The following TMEM132C variants were observed in gnomAD, a reference collection of about 807,000 sequenced individuals.
TMEM132C encodes protein phosphatase 1, regulatory subunit 152.
In TMEM132C, 29 loss-of-function variants were observed where a neutral mutation model predicts 61.4. That is an observed-to-expected ratio of 0.47 (90% confidence interval 0.35 to 0.64). The LOEUF is 0.64. Ranked by LOEUF, TMEM132C falls within the 30% of genes least tolerant of loss-of-function variation. TMEM132C has a pLI of 0.00. For missense variants in TMEM132C, 1,408 were observed against 1,476.9 expected (o/e 0.95, Z 0.76); for synonymous variants, 656 against 633.1 (o/e 1.04, Z -0.54).
intron 2 of TMEM132C, among the ~76,000 whole-genome samples, chr12:128,483,615 C>G (rs1871388645): frequency 6.6e-6 from 1 of 151,998 alleles, no homozygotes; most frequent in Non-Finnish European, 1.5e-5. Context: ...AGAGCCTGGC[C>G]AATAGCAAAC....
At chr12:128,619,970 C>A (rs978597104) in intron 4 of TMEM132C, among the ~76,000 whole-genome samples, 1 of 152,070 alleles carries the variant, frequency 6.6e-6, no homozygotes, top group East Asian at 1.9e-4. Flanking sequence ...ATGGCTCACA[C>A]CTATAATCCC....
chr12:128,288,169 C>G (rs1442020368), intron 1 of TMEM132C: 1 of 152,002 alleles, frequency 6.6e-6, no homozygotes, highest in Non-Finnish European at 1.5e-5. Flanking sequence ...AATGATTCTC[C>G]TGCCCCAGCC....
chr12:128,476,988 A>AT (rs1871173359), intron 2 of TMEM132C, among the ~76,000 whole-genome samples: 1 of 152,108 alleles, frequency 6.6e-6, no homozygotes, highest in Non-Finnish European at 1.5e-5. Context: ...TATCACAATT[A>AT]TTTTTTCCAG....
At chr12:128,365,312 G>A (rs1873828754) in intron 1 of TMEM132C, among the ~76,000 whole-genome samples, 1 of 152,208 alleles carries the variant, frequency 6.6e-6, no homozygotes, top group Admixed American at 6.5e-5. Flanking sequence ...GAATGCTCAA[G>A]TGCTTGAACG....
intron 3 of TMEM132C, among the ~76,000 whole-genome samples, chr12:128,589,640 C>T (rs762590303): frequency 7.4e-4 from 112 of 152,136 alleles, no homozygotes; most frequent in Non-Finnish European, 1.3e-3. Context: ...GCAGAAATAC[C>T]AGAATGATCT....
At chr12:128,668,137 G>T in intron 4 of TMEM132C, among the ~76,000 whole-genome samples, 1 of 152,090 alleles carries the variant, frequency 6.6e-6, no homozygotes, top group East Asian at 1.9e-4. Context: ...AAAATGATCT[G>T]GGCATGGTGA....
At chr12:128,541,757 A>G (rs888764004) in intron 2 of TMEM132C, among the ~76,000 whole-genome samples, 1 of 152,228 alleles carries the variant, frequency 6.6e-6, no homozygotes, top group Non-Finnish European at 1.5e-5. Flanking sequence ...ACTGCAGGGC[A>G]TCTGGCTGGC....
chr12:128,666,203 C>A (rs60233581), intron 4 of TMEM132C, among the ~76,000 whole-genome samples: 1,555 of 123,648 alleles, frequency 0.013, 23 homozygotes, highest in African/African-American at 0.046. Context: ...GCACATGTAC[C>A]CATAAACAGG....
chr12:128,529,891 A>G (rs1003491439), intron 2 of TMEM132C, among the ~76,000 whole-genome samples: 14 of 152,182 alleles, frequency 9.2e-5, no homozygotes, highest in African/African-American at 2.7e-4. Flanking sequence ...AGTATCTTTG[A>G]GATGATTAGG....
intron 2 of TMEM132C, among the ~76,000 whole-genome samples, chr12:128,467,119 C>T (rs1004404061): frequency 3.9e-5 from 6 of 152,238 alleles, no homozygotes; most frequent in Middle Eastern, 6.8e-3. Context: ...GAACTCATGG[C>T]GTTCATAGTG....
chr12:128,523,939 G>T (rs1872997499), intron 2 of TMEM132C, among the ~76,000 whole-genome samples: 1 of 151,622 alleles, frequency 6.6e-6, no homozygotes, highest in African/African-American at 2.4e-5. Flanking sequence ...CTTCAGCCCT[G>T]CAGGTCAAGG....
chr12:128,308,508 C>G (rs957511214), intron 1 of TMEM132C, among the ~76,000 whole-genome samples: 1 of 152,120 alleles, frequency 6.6e-6, no homozygotes, highest in Non-Finnish European at 1.5e-5. Flanking sequence ...GAACTGTGTC[C>G]GGCACGTTGC....
intron 3 of TMEM132C, among the ~76,000 whole-genome samples, chr12:128,547,524 A>G (rs1170404160): frequency 6.7e-6 from 1 of 148,604 alleles, no homozygotes; most frequent in Non-Finnish European, 1.5e-5. Flanking sequence ...AGATCGCACC[A>G]CCATACTCCA....
chr12:128,452,805 A>C (rs770472046), intron 2 of TMEM132C, among the ~76,000 whole-genome samples: 6 of 152,214 alleles, frequency 3.9e-5, no homozygotes, highest in Admixed American at 6.5e-5. Context: ...ATTAATTATA[A>C]GTATACCATT....
chr12:128,477,456 C>T (rs1871186693), intron 2 of TMEM132C, among the ~76,000 whole-genome samples: 1 of 152,192 alleles, frequency 6.6e-6, no homozygotes, highest in African/African-American at 2.4e-5. Context: ...GGAAATTGGA[C>T]ACCACCTCCA....
At chr12:128,276,774 C>T (rs1046532875) in intron 1 of TMEM132C, among the ~76,000 whole-genome samples, 12 of 152,098 alleles carry the variant, frequency 7.9e-5, no homozygotes, top group Non-Finnish European at 1.2e-4. Context: ...CTTTGGCACG[C>T]GGTATTCTAC....
At chr12:128,353,102 G>T (rs1873392624) in intron 1 of TMEM132C, among the ~76,000 whole-genome samples, 1 of 152,162 alleles carries the variant, frequency 6.6e-6, no homozygotes, top group Non-Finnish European at 1.5e-5. Flanking sequence ...ACAAAGTAGA[G>T]AAATACAAGA....
chr12:128,572,894 A>G (rs996502392), intron 3 of TMEM132C, among the ~76,000 whole-genome samples: 4 of 152,274 alleles, frequency 2.6e-5, no homozygotes, highest in African/African-American at 9.6e-5. Context: ...AATCAAAACC[A>G]CAATGAGATA....
At chr12:128,533,666 A>G (rs1873409801) in intron 2 of TMEM132C, among the ~76,000 whole-genome samples, 1 of 151,918 alleles carries the variant, frequency 6.6e-6, no homozygotes, top group Admixed American at 6.6e-5. Flanking sequence ...CAGACTAATG[A>G]CCTCCATTTT....
Sources: gnomAD v4.1 joint callset for allele counts (sites outside exome capture counted in the v4.1 genomes callset) on GRCh38, gnomAD v4.1.1 for gene constraint, MANE v1.5 for transcripts, NCBI Gene and HGNC (gene_info 2026-07-23, HGNC 2026-07-21) for gene names.